The following CD163L1 variants were observed in gnomAD, a reference collection of about 807,000 sequenced individuals.
CD163L1 encodes CD163 molecule like 1.
A neutral mutation model predicts 165.4 loss-of-function variants in CD163L1; 124 were observed. The observed-to-expected ratio is 0.75, with a 90% confidence interval of 0.65 to 0.87. The LOEUF (loss-of-function observed/expected upper bound fraction) is 0.87, where lower values mean the gene tolerates loss of function less well. Ranked by LOEUF, CD163L1 falls within the 40% of genes least tolerant of loss-of-function variation. The probability of loss-of-function intolerance (pLI) is 0.00; values close to 1 mark genes in which losing one functional copy is unlikely to be tolerated. For synonymous variants in CD163L1, 585 were observed against 662.2 expected (o/e 0.88, Z 1.79); for missense variants, 1,525 against 1,799.9 (o/e 0.85, Z 2.76).
At chr12:7,378,796 AAC>A (rs1165287303) in intron 9 of CD163L1, among the ~76,000 whole-genome samples, 180 bp downstream of exon 9, 8 of 152,172 alleles carry the variant, frequency 5.3e-5, no homozygotes, top group Non-Finnish European at 1.0e-4. Context: ...ATTTTAAATA[AAC>A]AGTTATTTAA....
intron 6 of CD163L1, among the ~76,000 whole-genome samples, chr12:7,399,872 G>A (rs997529491): frequency 2.0e-5 from 3 of 152,044 alleles, no homozygotes; most frequent in Non-Finnish European, 2.9e-5. Context: ...GGTTACAGGC[G>A]TCAGCCACCG....
At chr12:7,421,049 G>GTGTATATATACGTATA (rs1948350669) in intron 4 of CD163L1, among the ~76,000 whole-genome samples, 1 of 71,594 alleles carries the variant, frequency 1.4e-5, no homozygotes, top group Non-Finnish European at 2.2e-5. Context: ...GTATATATAT[G>GTGTATATATACGTATA]TATATACGTA....
rs1287263499 is a variant in CD163L1 at position 7,367,251 on chromosome 12, C to T, written c.4264G>A (p.Gly1422Arg). The stretch of plus-strand genomic sequence containing the variant: ...TTGCACAGACCTGAGGTTCTTGTCC[C>T]ATGTGGGTCCTCTCTCTTGAGGCAG... ...ETCLKREDPH[G>R]TRTSDDTPNH... The change falls in exon 18 of 20, where the codon GGG becomes AGG. Residue 1422 changes from glycine to arginine, a missense_variant. Physicochemically the swap from Gly to Arg is moderately radical, Grantham distance 125. Transcript: ENST00000313599. 6.2e-7 allele frequency: 1 copy of T among 1,612,446 alleles called. No individual in the cohort carries two copies. Among genetic ancestry groups the T allele is most frequent in the Non-Finnish European group, 8.5e-7 (1 of 1,178,782 alleles).
intron 2 of CD163L1, among the ~76,000 whole-genome samples, chr12:7,437,247 G>GTATTTAC (rs1948745555): frequency 1.6e-5 from 2 of 122,940 alleles, no homozygotes; most frequent in African/African-American, 7.0e-5. Flanking sequence ...CTTTTAAATA[G>GTATTTAC]TATTTAAATA....
At chr12:7,324,775 G>T in the CD163L1 span, among the ~76,000 whole-genome samples, 2 of 151,764 alleles carry the variant, frequency 1.3e-5, no homozygotes, top group African/African-American at 4.8e-5. Flanking sequence ...CCAAAGGGGT[G>T]GTATTAGAAT....
At chr12:7,385,652 TA>T (rs1735891241) in intron 8 of CD163L1, among the ~76,000 whole-genome samples, 1 of 151,920 alleles carries the variant, frequency 6.6e-6, no homozygotes, top group Admixed American at 6.6e-5. Flanking sequence ...TACAATTATA[TA>T]AAGTATCTTA....
chr12:7,398,496 A>T lies in CD163L1; in HGVS notation c.1497T>A (p.Thr499=). 1 of 1,614,042 alleles carries T rather than the reference A, an allele frequency of 6.2e-7. No individual in the cohort carries two copies. The highest frequency in any genetic ancestry group is 8.5e-7 in the Non-Finnish European group (1 of 1,179,946). The change falls in exon 7 of 20, where the codon ACT becomes ACA. Residue 499 remains threonine, a synonymous_variant. Transcript: ENST00000313599. This position sits in a 1 kb window ranked among gnomAD's most constrained non-coding sequence, Gnocchi z 4.5. ...LEVKYQGEWG[T]VCHDRWSTRN... ...TTGTGCTCCATCTGTCATGACACAC[A>T]GTCCCCCACTCTCCTTGGTATTTCA...
intron 9 of CD163L1, among the ~76,000 whole-genome samples, chr12:7,376,394 T>C (rs1947273105): frequency 6.6e-6 from 1 of 152,216 alleles, no homozygotes; most frequent in South Asian, 2.1e-4. Context: ...ATCCCAGCAA[T>C]CCATCTAAAT....
At chr12:7,437,239 T>TAAATAAATA (rs373125394) in intron 2 of CD163L1, among the ~76,000 whole-genome samples, 2 of 94,806 alleles carry the variant, frequency 2.1e-5, no homozygotes, top group Admixed American at 1.0e-4. Context: ...AGTATTTACT[T>TAAATAAATA]TTAAATAGTA....
intron 2 of CD163L1, among the ~76,000 whole-genome samples, chr12:7,440,794 T>C (rs1948822068): frequency 6.6e-6 from 1 of 151,876 alleles, no homozygotes; most frequent in Non-Finnish European, 1.5e-5. Flanking sequence ...ACCCGGCTAA[T>C]TTTTGTATTT....
At position 7,368,254 on chromosome 12, in the gene CD163L1, T is replaced by C. The variant is rs1591882411; in HGVS notation, c.4073-57A>G. The C allele has an allele frequency of 2.1e-6, 2 of 968,828 alleles. No homozygotes were observed. Among genetic ancestry groups the C allele is most frequent in the Admixed American group, 4.5e-5 (2 of 44,778 alleles). The allele number at this position is 968,828 out of a possible 1,614,324, so 60.0% of individuals were successfully genotyped here. A position where few individuals can be genotyped will look rare whatever the true frequency, so the allele number is the denominator to read the frequency against. The stretch of plus-strand genomic sequence containing the variant: ...AACTAGTAGATATCAATTGTGGGTT[T>C]ATACATTGTAAAAAAAACTGGTTCC... On this transcript the variant is annotated intron_variant, in intron 16 of 19. Coordinates refer to ENST00000313599, the MANE Select transcript of CD163L1 (RefSeq NM_174941.6). The surrounding 1 kb of genome is among the most constrained non-coding windows in gnomAD (Gnocchi z 4.3).
chr12:7,420,244 C>A (rs955781718), intron 4 of CD163L1, among the ~76,000 whole-genome samples: 1 of 151,862 alleles, frequency 6.6e-6, no homozygotes, highest in African/African-American at 2.4e-5. Context: ...GACCCGAAAC[C>A]GTAAAAATTC....
At chr12:7,342,455 G>A (rs1946643541), downstream of CD163L1, among the ~76,000 whole-genome samples, 1 of 152,178 alleles carries the variant, frequency 6.6e-6, no homozygotes, top group African/African-American at 2.4e-5. Context: ...CAGGCTTGCT[G>A]TTAATAAATA....
chr12:7,318,865 T>G, the CD163L1 span, among the ~76,000 whole-genome samples: 4 of 152,216 alleles, frequency 2.6e-5, no homozygotes, highest in African/African-American at 9.6e-5. Flanking sequence ...TCACCTGTTA[T>G]TTTGCTAAAT....
At position 7,443,165 on chromosome 12, in the gene CD163L1, A is replaced by G. The variant is rs891435642; in HGVS notation, c.31+932T>C. Among the ~76,000 whole-genome samples, 4 of 152,342 alleles carry G rather than the reference A, an allele frequency of 2.6e-5. No individual in the cohort carries two copies. The East Asian group carries it at 7.7e-4, about 29-fold the overall frequency. ...CTCAAACTGTAGAAACCCTTTTTCA[A>G]AAAGGAGGCTTTGAAAAATATCAGA... is the stretch of plus-strand genomic sequence containing the variant. On this transcript the variant is annotated intron_variant, in intron 1 of 19. Coordinates refer to ENST00000313599, the MANE Select transcript of CD163L1 (RefSeq NM_174941.6).
intron 7 of CD163L1, among the ~76,000 whole-genome samples, chr12:7,397,924 A>T (rs1162058150): frequency 2.6e-5 from 4 of 152,214 alleles, no homozygotes; most frequent in Admixed American, 2.0e-4. Flanking sequence ...TTAATGATGC[A>T]GCTAAGGGTT....
intron 4 of CD163L1, among the ~76,000 whole-genome samples, chr12:7,421,745 G>GTATA (rs150499022): frequency 5.7e-4 from 1 of 1,744 alleles, no homozygotes; most frequent in African/African-American, 7.2e-4. Flanking sequence ...ATGTGTGTGT[G>GTATA]TATATATATA....
chr12:7,382,457 G>A (rs1435622859), intron 8 of CD163L1, among the ~76,000 whole-genome samples: 2 of 152,292 alleles, frequency 1.3e-5, no homozygotes, highest in Admixed American at 6.5e-5. Context: ...TCCTTCTGAG[G>A]CACAGAGAGA....
At chr12:7,321,478 G>A in the CD163L1 span, among the ~76,000 whole-genome samples, 1 of 152,224 alleles carries the variant, frequency 6.6e-6, no homozygotes, top group African/African-American at 2.4e-5. Context: ...AAAGTGCTAT[G>A]CGAGACAGAA....
Sources: gnomAD v4.1 joint callset for allele counts (sites outside exome capture counted in the v4.1 genomes callset) on GRCh38, gnomAD v4.1.1 for gene constraint, Gnocchi (gnomAD v3.1) non-coding constraint, MANE v1.5 for transcripts, NCBI Gene and HGNC (gene_info 2026-07-23, HGNC 2026-07-21) for gene names.